Variants in GPR158 observed in about 807,000 individuals in gnomAD.
The protein encoded by GPR158 is metabotropic glycine receptor.
GPR158 carries 30 observed loss-of-function variants against 78.2 expected under a neutral mutation model. That is an observed-to-expected ratio of 0.38 (90% CI 0.29 to 0.52). The LOEUF is 0.52. Among genes scored for constraint, GPR158 ranks in the 20% least tolerant of loss-of-function variants. GPR158 has a pLI of 0.83. For synonymous variants in GPR158, 581 were observed against 591.1 expected (o/e 0.98, Z 0.25); for missense variants, 1,463 against 1,523.5 (o/e 0.96, Z 0.66).
At chr10:25,563,955 AT>A (rs540635299) in intron 6 of GPR158, among the ~76,000 whole-genome samples, 18 of 146,950 alleles carry the variant, frequency 1.2e-4, no homozygotes, top group Admixed American at 2.0e-4. Context: ...TGCGTGCCTC[AT>A]TTTTTTTTTA....
intron 2 of GPR158, among the ~76,000 whole-genome samples, chr10:25,269,188 G>C (rs897177199): frequency 1.3e-5 from 2 of 152,190 alleles, no homozygotes; most frequent in Admixed American, 6.5e-5. Flanking sequence ...ATTTTAGCTT[G>C]AATAGAGCAG....
At chr10:25,378,062 G>A (rs11596573) in intron 2 of GPR158, among the ~76,000 whole-genome samples, 2 of 152,078 alleles carry the variant, frequency 1.3e-5, no homozygotes, top group Non-Finnish European at 2.9e-5. Context: ...AACCATCCTA[G>A]TAGGTGTGAA....
chr10:25,416,474 G>A lies in GPR158; in HGVS notation c.1335+4001G>A, dbSNP rs550868907. ...CTTATTGATATTACTGGCTTTTCTA[G>A]GAAGTTTAAGCTTCCATCCCCATCC... On this transcript the variant is annotated intron_variant, in intron 4 of 10. Coordinates refer to ENST00000376351, the MANE Select transcript of GPR158 (RefSeq NM_020752.3). 5.3e-5 allele frequency among the ~76,000 whole-genome samples: 8 copies of A among 152,174 alleles called. No homozygotes were observed. In the East Asian group the frequency reaches 1.4e-3, roughly 26 times the overall value.
At chr10:25,346,495 A>C (rs1855373172) in intron 2 of GPR158, among the ~76,000 whole-genome samples, 1 of 151,970 alleles carries the variant, frequency 6.6e-6, no homozygotes, top group African/African-American at 2.4e-5. Context: ...CAAGCAGAGA[A>C]GACAACACAT....
intron 4 of GPR158, among the ~76,000 whole-genome samples, chr10:25,447,824 A>G (rs1835157284): frequency 1.3e-5 from 2 of 150,230 alleles, no homozygotes; most frequent in South Asian, 2.1e-4. Context: ...ACACAGAGTG[A>G]AATGCTTTGA....
intron 2 of GPR158, among the ~76,000 whole-genome samples, chr10:25,232,500 A>G (rs1485307850): frequency 1.3e-5 from 2 of 152,212 alleles, no homozygotes; most frequent in Non-Finnish European, 2.9e-5. Flanking sequence ...TGACTGTATT[A>G]TACAAGAATT....
At chr10:25,573,545 G>T (rs1298670279) in intron 7 of GPR158, among the ~76,000 whole-genome samples, 2 of 152,132 alleles carry the variant, frequency 1.3e-5, no homozygotes, top group Non-Finnish European at 2.9e-5. Context: ...TGGCAGCCCA[G>T]TGTTTTGAAA....
At chr10:25,555,619 A>G (rs1279049138) in intron 6 of GPR158, among the ~76,000 whole-genome samples, 1 of 152,180 alleles carries the variant, frequency 6.6e-6, no homozygotes, top group Non-Finnish European at 1.5e-5. Flanking sequence ...GAGTGAGCAA[A>G]TGTTTGAAAT....
chr10:25,238,867 T>G (rs553240634), intron 2 of GPR158, among the ~76,000 whole-genome samples: 2 of 152,332 alleles, frequency 1.3e-5, no homozygotes, highest in Admixed American at 1.3e-4. Context: ...CTGCACATAT[T>G]TAGCTTCACA....
chr10:25,303,612 C>T (rs2130451796), intron 2 of GPR158, among the ~76,000 whole-genome samples: 1 of 152,308 alleles, frequency 6.6e-6, no homozygotes, highest in Non-Finnish European at 1.5e-5. Flanking sequence ...TGAACATTGT[C>T]TTTCTTGGCA....
chr10:25,266,123 C>T (rs1309345928), intron 2 of GPR158, among the ~76,000 whole-genome samples: 1 of 152,146 alleles, frequency 6.6e-6, no homozygotes, highest in South Asian at 2.1e-4. Flanking sequence ...ATCCCTGTAG[C>T]CTTCAGATCT....
At chr10:25,567,367 A>T (rs991875266) in intron 6 of GPR158, among the ~76,000 whole-genome samples, 1 of 152,158 alleles carries the variant, frequency 6.6e-6, no homozygotes, top group Non-Finnish European at 1.5e-5. Context: ...ACCCTTCATC[A>T]AAATTACCTG....
At chr10:25,316,347 A>G (rs1018584030) in intron 2 of GPR158, among the ~76,000 whole-genome samples, 9 of 152,200 alleles carry the variant, frequency 5.9e-5, no homozygotes, top group Admixed American at 2.6e-4. Context: ...CTAGGCCAAT[A>G]AATACATATA....
intron 2 of GPR158, among the ~76,000 whole-genome samples, chr10:25,373,857 A>G (rs1323710220): frequency 6.6e-6 from 1 of 151,766 alleles, no homozygotes; most frequent in Non-Finnish European, 1.5e-5. Flanking sequence ...GTATATTCAA[A>G]TTTTATAAAT....
intron 5 of GPR158, among the ~76,000 whole-genome samples, chr10:25,530,211 T>G (rs761491087): frequency 6.6e-6 from 1 of 151,906 alleles, no homozygotes; most frequent in Non-Finnish European, 1.5e-5. Context: ...ATGAGAAAAG[T>G]GAAAAGTGTT....
chr10:25,508,555 G>A (rs1357678371), intron 5 of GPR158, among the ~76,000 whole-genome samples: 1 of 152,120 alleles, frequency 6.6e-6, no homozygotes, highest in East Asian at 1.9e-4. Flanking sequence ...CTGTATGCTG[G>A]CGGACGCTAG....
intron 1 of GPR158, among the ~76,000 whole-genome samples, chr10:25,186,512 T>C (rs1261836117): frequency 1.3e-5 from 2 of 151,894 alleles, no homozygotes; most frequent in African/African-American, 4.8e-5. Context: ...AAGAATCAAA[T>C]AGACACAATA....
At chr10:25,198,561 TAAC>T (rs763996234) in intron 1 of GPR158, among the ~76,000 whole-genome samples, 3 of 152,196 alleles carry the variant, frequency 2.0e-5, no homozygotes, top group Non-Finnish European at 2.9e-5. Context: ...TTTGGGAAGA[TAAC>T]TATTATTAAT....
intron 2 of GPR158, among the ~76,000 whole-genome samples, chr10:25,281,262 C>G (rs1432954091): frequency 1.3e-5 from 2 of 151,118 alleles, no homozygotes; most frequent in African/African-American, 4.9e-5. Context: ...AATCAAAATT[C>G]AAATGAAAAA....
Sources: allele counts gnomAD v4.1 joint callset (sites outside exome capture counted in the v4.1 genomes callset), GRCh38; gene constraint gnomAD v4.1.1; transcripts MANE v1.5; gene names NCBI Gene and HGNC (gene_info 2026-07-23, HGNC 2026-07-21).